DTNA: variants seen among roughly 807,000 people sequenced by gnomAD.
The protein encoded by DTNA is dystrobrevin alpha.
Under a neutral mutation model 100.7 loss-of-function variants are expected in DTNA, and 43 were observed. That is an observed-to-expected ratio of 0.43 (90% CI 0.33 to 0.55). The LOEUF (loss-of-function observed/expected upper bound fraction) is 0.55. Ranked by LOEUF, DTNA falls within the 20% of genes least tolerant of loss-of-function variation. The pLI, the probability that DTNA is intolerant of heterozygous loss-of-function variation, is 0.04. For synonymous variants in DTNA, 349 were observed against 347.9 expected, an observed-to-expected ratio of 1.00 and a Z score of -0.04; for missense variants, 798 against 953.9, an observed-to-expected ratio of 0.84 and a Z score of 2.15.
intron 13 of DTNA, among the ~76,000 whole-genome samples, chr18:34,840,557 C>T (rs1449120286): frequency 6.6e-6 from 1 of 152,124 alleles, no homozygotes. Flanking sequence ...ACAAAGAAAT[C>T]TCCAAAGAGA....
chr18:34,792,549 G>GA (rs2149013031), intron 3 of DTNA, among the ~76,000 whole-genome samples: 1 of 152,244 alleles, frequency 6.6e-6, no homozygotes, highest in South Asian at 2.1e-4. Context: ...AGCTGTTAGT[G>GA]AAAAAATATA....
intron 6 of DTNA, among the ~76,000 whole-genome samples, chr18:34,813,794 A>G (rs1384558480): frequency 4.1e-5 from 6 of 145,804 alleles, no homozygotes; most frequent in African/African-American, 1.5e-4. Flanking sequence ...GTGAGCCAAG[A>G]TTGTGCCACT....
intron 19 of DTNA, 36 bp downstream of exon 19, chr18:34,877,844 C>G (rs752876931): frequency 1.9e-6 from 3 of 1,562,834 alleles, no homozygotes; most frequent in African/African-American, 2.7e-5. Context: ...GTCTGCTCAT[C>G]ATGGAGGGAT....
intron 16 of DTNA, among the ~76,000 whole-genome samples, chr18:34,858,816 A>G (rs1213776138): frequency 6.6e-6 from 1 of 152,094 alleles, no homozygotes; most frequent in Non-Finnish European, 1.5e-5. Flanking sequence ...TCACCATATT[A>G]GTCAGACTGG....
chr18:34,685,073 A>C (rs1243450295), intron 1 of DTNA, among the ~76,000 whole-genome samples: 3 of 152,034 alleles, frequency 2.0e-5, no homozygotes, highest in African/African-American at 7.2e-5. Flanking sequence ...GATTGCAAAA[A>C]TTTTCTCCCA....
chr18:34,688,660 CTG>C (rs2079271416), intron 1 of DTNA, among the ~76,000 whole-genome samples: 1 of 152,094 alleles, frequency 6.6e-6, no homozygotes, highest in Admixed American at 6.6e-5. Context: ...GTGGTGTTTT[CTG>C]TGTTTCCTGA....
chr18:34,648,414 A>G (rs1475981348), intron 1 of DTNA, among the ~76,000 whole-genome samples: 3 of 152,208 alleles, frequency 2.0e-5, no homozygotes, highest in South Asian at 2.1e-4. Flanking sequence ...TTGGGAGACT[A>G]TTGGAAATCA....
At chr18:34,626,904 A>G (rs2057396175) in intron 1 of DTNA, among the ~76,000 whole-genome samples, 1 of 152,172 alleles carries the variant, frequency 6.6e-6, no homozygotes, top group African/African-American at 2.4e-5. Flanking sequence ...AAGCTCACTG[A>G]CCAAAGGTGT....
chr18:34,675,856 G>A (rs2077336770), intron 1 of DTNA, among the ~76,000 whole-genome samples: 1 of 149,884 alleles, frequency 6.7e-6, no homozygotes, highest in Non-Finnish European at 1.5e-5. Context: ...TAAGCATCAG[G>A]TGCACAACAA....
intron 1 of DTNA, among the ~76,000 whole-genome samples, chr18:34,560,905 G>C (rs1025931803): frequency 6.6e-6 from 1 of 152,164 alleles, no homozygotes; most frequent in Non-Finnish European, 1.5e-5. Context: ...CTGGGTGACA[G>C]AGGGAGACCC....
chr18:34,716,270 G>A (rs1600712788), intron 1 of DTNA, among the ~76,000 whole-genome samples: 2 of 152,254 alleles, frequency 1.3e-5, no homozygotes, highest in Non-Finnish European at 2.9e-5. Context: ...CTATAAAGCT[G>A]TAAGAAGTCG....
At chr18:34,568,485 A>G (rs531967068) in intron 1 of DTNA, among the ~76,000 whole-genome samples, 1 of 152,000 alleles carries the variant, frequency 6.6e-6, no homozygotes, top group East Asian at 1.9e-4. Flanking sequence ...TTTTATCTCC[A>G]TATTTTCTAT....
At chr18:34,677,882 T>C (rs2077581981) in intron 1 of DTNA, among the ~76,000 whole-genome samples, 1 of 152,172 alleles carries the variant, frequency 6.6e-6, no homozygotes, top group Non-Finnish European at 1.5e-5. Flanking sequence ...TCCTATTAAA[T>C]TGTATTAGGT....
chr18:34,821,331 T>C (rs1440064627), intron 9 of DTNA: 1 of 411,878 alleles, frequency 2.4e-6, no homozygotes, highest in African/African-American at 2.1e-5. Flanking sequence ...CAGTTTAAGA[T>C]GCCAGCAAAC....
chr18:34,769,022 C>T (rs913418644), intron 3 of DTNA, among the ~76,000 whole-genome samples: 1 of 152,008 alleles, frequency 6.6e-6, no homozygotes, highest in African/African-American at 2.4e-5. Context: ...TTATAATGTA[C>T]CTTATAAAAT....
chr18:34,882,890 C>T (rs891117608), intron 21 of DTNA, among the ~76,000 whole-genome samples: 1 of 152,196 alleles, frequency 6.6e-6, no homozygotes, highest in African/African-American at 2.4e-5. Flanking sequence ...TATTTGCCCT[C>T]AGTCTTCCTC....
chr18:34,851,643 T>A (rs1316678514), intron 14 of DTNA, among the ~76,000 whole-genome samples, 188 bp from the exon 15 acceptor site: 1 of 152,220 alleles, frequency 6.6e-6, no homozygotes, highest in East Asian at 1.9e-4. Flanking sequence ...ACCTCACAGA[T>A]GTGCTCCAGA....
intron 1 of DTNA, among the ~76,000 whole-genome samples, chr18:34,599,362 A>G (rs531417691): frequency 7.4e-4 from 113 of 152,326 alleles, no homozygotes; most frequent in Non-Finnish European, 1.3e-3. Flanking sequence ...GCTCTTGAAT[A>G]ATGGCTGATT....
intron 1 of DTNA, among the ~76,000 whole-genome samples, chr18:34,645,910 A>G (rs1342757273): frequency 6.6e-6 from 1 of 152,098 alleles, no homozygotes; most frequent in South Asian, 2.1e-4. Flanking sequence ...CATCTCCATC[A>G]CCTATTCTCC....
Sources: allele counts gnomAD v4.1 joint callset (sites outside exome capture counted in the v4.1 genomes callset), GRCh38; gene constraint gnomAD v4.1.1; transcripts MANE v1.5; gene names NCBI Gene and HGNC (gene_info 2026-07-23, HGNC 2026-07-21).